The following KLHL5 variants were observed in gnomAD, a reference collection of about 807,000 sequenced individuals.
The protein encoded by KLHL5 is kelch like family member 5.
Under a neutral mutation model 77.7 loss-of-function variants are expected in KLHL5, and 48 were observed. The observed-to-expected ratio is 0.62, with a 90% CI of 0.49 to 0.79. The LOEUF is 0.79. Among genes scored for constraint, KLHL5 ranks in the 30% least tolerant of loss-of-function variants. The pLI is 0.00. For missense variants in KLHL5, 723 were observed against 859.7 expected (o/e 0.84, Z 1.99); for synonymous variants, 260 against 297.0 (o/e 0.88, Z 1.28).
rs377127906 is a variant in KLHL5, at chr4:39,121,019, C to T, written c.2083C>T (p.Leu695=). 9.9e-6 allele frequency: 16 copies of T among 1,613,086 alleles called. No homozygotes were observed. Among genetic ancestry groups the T allele is most frequent in the African/African-American group, 1.3e-5 (1 of 74,926 alleles). ...TCTTTTTCCTTTTTAGGTTGCTCCA[C>T]TGTGCCTAGGAAGAGCTGGAGCTTG... ...QTNEWTQVAP[L]CLGRAGACVV... Residue 695 remains leucine, a synonymous_variant, in exon 11 of 11, where the codon CTG becomes TTG. Transcript: ENST00000504108.
At chr4:39,067,629 A>G (rs1718012902) in intron 1 of KLHL5, among the ~76,000 whole-genome samples, 2 of 151,648 alleles carry the variant, frequency 1.3e-5, no homozygotes, top group Non-Finnish European at 2.9e-5. Context: ...GAGAATGCCA[A>G]GCTTGGCTAC....
upstream of KLHL5, among the ~76,000 whole-genome samples, chr4:39,061,471 A>G (rs1270454612): frequency 6.6e-6 from 1 of 152,134 alleles, no homozygotes; most frequent in Non-Finnish European, 1.5e-5. Flanking sequence ...AGCTAGATTT[A>G]ATTATTTTGG....
upstream of KLHL5, among the ~76,000 whole-genome samples, chr4:39,061,675 A>G (rs1204473764): frequency 2.6e-5 from 4 of 152,200 alleles, no homozygotes; most frequent in Non-Finnish European, 5.9e-5. Flanking sequence ...TGTACACCCA[A>G]TAGTCCTATC....
At chr4:39,126,868 A>G, downstream of KLHL5, 1 of 398,634 alleles carries the variant, frequency 2.5e-6, no homozygotes, top group Non-Finnish European at 4.9e-6. Flanking sequence ...GTAAGTAACT[A>G]GAATTTTTAT....
intron 4 of KLHL5, among the ~76,000 whole-genome samples, chr4:39,082,493 A>T (rs1451168512): frequency 6.6e-6 from 1 of 152,210 alleles, no homozygotes; most frequent in African/African-American, 2.4e-5. Context: ...GAATTTCAGG[A>T]TTGTTCACAT....
At chr4:39,100,128 G>A (rs1721415448) in intron 6 of KLHL5, among the ~76,000 whole-genome samples, 1 of 152,170 alleles carries the variant, frequency 6.6e-6, no homozygotes, top group Admixed American at 6.5e-5. Flanking sequence ...GGAAAGGGAA[G>A]GAAACTTGCC....
rs764614123 is a variant in KLHL5 at position 39,115,318 on chromosome 4, T to C, written c.2061T>C (p.Asn687=). 6.2e-7 allele frequency: 1 copy of C among 1,614,040 alleles called. No homozygotes were observed. The highest frequency in any genetic ancestry group is 2.2e-5 in the East Asian group (1 of 44,860). Residue 687 remains asparagine (N), a synonymous_variant, in exon 10 of 11, where the codon AAT becomes AAC. Coordinates refer to ENST00000504108, the MANE Select transcript of KLHL5 (RefSeq NM_015990.5). ...TGGAGGCTTATGATCCCCAGACAAA[T>C]GAGTGGACCCAGGTATGGCATTCAT... ...NTVEAYDPQT[N]EWTQVAPLCL...
At chr4:39,078,055 A>T (rs1408916711) in intron 2 of KLHL5, among the ~76,000 whole-genome samples, 2 of 152,198 alleles carry the variant, frequency 1.3e-5, no homozygotes, top group African/African-American at 4.8e-5. Context: ...GTTCTCTCTC[A>T]TAAGTGGGAG....
chr4:39,102,474 TC>T (rs1335435761), intron 6 of KLHL5, among the ~76,000 whole-genome samples: 1 of 149,950 alleles, frequency 6.7e-6, no homozygotes, highest in Non-Finnish European at 1.5e-5. Context: ...AAGTACCCGA[TC>T]CGTACTTACC....
At chr4:39,140,002 G>A in the KLHL5 span, among the ~76,000 whole-genome samples, 3 of 152,128 alleles carry the variant, frequency 2.0e-5, no homozygotes, top group South Asian at 4.1e-4. Context: ...CGAAGCAGGC[G>A]GATCACTTAA....
chr4:39,077,098 A>G (rs1290738857), intron 2 of KLHL5, among the ~76,000 whole-genome samples: 1 of 152,048 alleles, frequency 6.6e-6, no homozygotes, highest in Non-Finnish European at 1.5e-5. Context: ...AGTCCCATCA[A>G]AAAGTGGGCT....
chr4:39,066,905 T>A (rs922946581), intron 1 of KLHL5, among the ~76,000 whole-genome samples: 3 of 152,210 alleles, frequency 2.0e-5, no homozygotes, highest in African/African-American at 7.2e-5. Flanking sequence ...CTGCATTTTT[T>A]AAAAAGAAAC....
chr4:39,133,568 TAAAA>T, the KLHL5 span, among the ~76,000 whole-genome samples: 4 of 133,870 alleles, frequency 3.0e-5, no homozygotes, highest in Admixed American at 7.4e-5. Flanking sequence ...CCCCATTTCC[TAAAA>T]AAAAAAAAAA....
At chr4:39,086,363 G>A in intron 4 of KLHL5, 152 bp from the exon 5 acceptor site, 1 of 626,792 alleles carries the variant, frequency 1.6e-6, no homozygotes, top group Admixed American at 2.8e-5. Flanking sequence ...TTTCTCTGCT[G>A]TGTTTCTTTC....
upstream of KLHL5, among the ~76,000 whole-genome samples, chr4:39,059,802 G>T (rs1158887948): frequency 6.6e-6 from 1 of 152,146 alleles, no homozygotes; most frequent in Non-Finnish European, 1.5e-5. Flanking sequence ...AGGAGGCTGA[G>T]GCATAAGAAT....
intron 1 of KLHL5, among the ~76,000 whole-genome samples, chr4:39,050,217 TACTA>T (rs1373809745): frequency 6.6e-6 from 1 of 152,098 alleles, no homozygotes; most frequent in African/African-American, 2.4e-5. Flanking sequence ...TAGTGAAAAA[TACTA>T]AATATATAAA....
intron 1 of KLHL5, among the ~76,000 whole-genome samples, chr4:39,064,258 T>G (rs1208762806): frequency 7.2e-6 from 1 of 138,718 alleles, no homozygotes; most frequent in African/African-American, 2.5e-5. Context: ...TGTAGGTAAA[T>G]AGTGTATTTA....
intron 1 of KLHL5, among the ~76,000 whole-genome samples, chr4:39,071,047 A>G (rs1367629957): frequency 6.6e-6 from 1 of 152,138 alleles, no homozygotes; most frequent in Non-Finnish European, 1.5e-5. Context: ...TTTATATTTT[A>G]TCTTTTAAAT....
intron 1 of KLHL5, chr4:39,045,140 G>A: frequency 1.0e-6 from 1 of 984,258 alleles, no homozygotes; most frequent in Non-Finnish European, 1.2e-6. Context: ...GGGCCGCCTC[G>A]GGCAGGGCCC....
Sources: gnomAD v4.1 joint callset for allele counts (sites outside exome capture counted in the v4.1 genomes callset) on GRCh38, gnomAD v4.1.1 for gene constraint, MANE v1.5 for transcripts, NCBI Gene and HGNC (gene_info 2026-07-23, HGNC 2026-07-21) for gene names.